The following HAND1 variants were observed in gnomAD, a reference collection of about 807,000 sequenced individuals.
HAND1 encodes the protein heart and neural crest derivatives expressed 1, also known as heart- and neural crest derivatives-expressed protein 1.
In HAND1, 10 loss-of-function variants were observed where a neutral mutation model predicts 14.5. The ratio of observed to expected loss-of-function variants is 0.69; its 90% confidence interval spans 0.42 to 1.17. HAND1 has a LOEUF of 1.17. Among genes scored for constraint, HAND1 ranks in the 50% most tolerant of loss-of-function variants. The pLI is 0.00. For missense variants in HAND1, 299 were observed against 298.4 expected (o/e 1.00, Z -0.01); for synonymous variants, 128 against 127.1 (o/e 1.01, Z -0.05).
In HAND1 at chr5:154,477,998, A is replaced by G. The variant is rs1757577453; in HGVS notation, c.11T>C (p.Val4Ala). The G allele has an allele frequency of 6.3e-7, 1 of 1,597,934 alleles. No individual in the cohort carries two copies. The highest frequency in any genetic ancestry group is 8.5e-7 in the Non-Finnish European group (1 of 1,179,864). The change falls in exon 1 of 2, where the codon GTG becomes GCG. Residue 4 changes from valine (V) to alanine (A), a missense_variant. Coordinates refer to ENST00000231121, the MANE Select transcript of HAND1 (RefSeq NM_004821.3). MNL[V>A]GSYAHHHHHH... ...GTGGTGATGGTGTGCGTAGCTGCCCACGAGGTTCATGTTGGAGCGGCTACT... is the reference window on the plus strand; with the variant it reads ...GTGGTGATGGTGTGCGTAGCTGCCCGCGAGGTTCATGTTGGAGCGGCTACT...
In HAND1 at chr5:154,475,617, C is replaced by T; in HGVS notation, c.*189G>A. 1.6e-6 allele frequency: 1 copy of T among 611,916 alleles called. No individual in the cohort carries two copies. The highest frequency in any genetic ancestry group is 2.9e-6 in the Non-Finnish European group (1 of 341,316). The allele number at this position is 611,916 out of a possible 1,614,324, so 37.9% of individuals were successfully genotyped here. ...TTTCTCTTAATGTATTAAAAAAAAT[C>T]AAAGGACATTGCACGTGCGATCCAA... is the stretch of plus-strand genomic sequence containing the variant. On this transcript the variant is annotated 3_prime_UTR_variant, in exon 2 of 2. Transcript: ENST00000231121.
At chr5:154,476,671 T>C (rs1346639694) in intron 1 of HAND1, among the ~76,000 whole-genome samples, 2 of 152,056 alleles carry the variant, frequency 1.3e-5, no homozygotes, top group Non-Finnish European at 2.9e-5. Flanking sequence ...CTGGCTCCAC[T>C]CCGCTACGGC....
chr5:154,477,294 T>C (rs1246538870), intron 1 of HAND1, among the ~76,000 whole-genome samples, 172 bp downstream of exon 1: 1 of 152,174 alleles, frequency 6.6e-6, no homozygotes, highest in Non-Finnish European at 1.5e-5. Context: ...CTATGACGAA[T>C]CTGCCTCCCT....
Position 154,475,402 on chromosome 5 carries a change from G to A in HAND1, c.*404C>T. On this transcript the variant is annotated 3_prime_UTR_variant, in exon 2 of 2. Coordinates refer to ENST00000231121, the MANE Select transcript of HAND1 (RefSeq NM_004821.3). ...TAATTAGAGAAGACGGCGTCGGGGC[G>A]GATCATATGGAGGGACAAGAGAGAA... 5.4e-6 allele frequency: 1 copy of A among 184,818 alleles called. No homozygotes were observed. Among genetic ancestry groups the A allele is most frequent in the Admixed American group, 5.5e-5 (1 of 18,184 alleles). The allele number at this position is 184,818 out of a possible 1,614,324, so 11.4% of individuals were successfully genotyped here. A position where few individuals can be genotyped will look rare whatever the true frequency, so the allele number is the denominator to read the frequency against.
rs1757532981 is a variant in HAND1 at position 154,475,866 on chromosome 5, C to T, written c.588G>A (p.Lys196=). The T allele has an allele frequency of 6.2e-7, 1 of 1,614,142 alleles. No individual in the cohort carries two copies. Among genetic ancestry groups the T allele is most frequent in the African/African-American group, 1.3e-5 (1 of 75,042 alleles). The change falls in exon 2 of 2, where the codon AAG becomes AAA. Residue 196 remains lysine (K), a synonymous_variant. Transcript: ENST00000231121. ...GFPPALGPVE[K]RIKGRTGWPQ... is the part of the protein sequence containing the mutation. ...GCCAGCCGGTGCGTCCTTTAATCCT[C>T]TTCTCGACTGGGCCCAGGGCAGGAG... is the stretch of plus-strand genomic sequence containing the variant.
intron 1 of HAND1, 37 bp from the exon 2 acceptor site, chr5:154,475,947 G>T (rs773244273): frequency 2.6e-6 from 4 of 1,547,060 alleles, no homozygotes; most frequent in Non-Finnish European, 3.6e-6. Flanking sequence ...AGGCGGGAGA[G>T]ACAGGTTTTA....
chr5:154,476,116 C>T (rs1326135148), intron 1 of HAND1, among the ~76,000 whole-genome samples: 1 of 152,082 alleles, frequency 6.6e-6, no homozygotes, highest in African/African-American at 2.4e-5. Flanking sequence ...TCCTGGGACC[C>T]GGGATGGGCT....
chr5:154,478,213 C>G lies in HAND1; in HGVS notation c.-205G>C, dbSNP rs1757581374. On this transcript the variant is annotated 5_prime_UTR_variant, in exon 1 of 2. Coordinates refer to ENST00000231121, the MANE Select transcript of HAND1 (RefSeq NM_004821.3). The surrounding 1 kb of genome is among the most constrained non-coding windows in gnomAD (Gnocchi z 4.5). Reference sequence around the variant, plus strand: ...GGCGAGGTCGCCGAAGCCCAAAGACCTGTTTAACCCTTCTGCGGACTCCCC... The same window carrying G: ...GGCGAGGTCGCCGAAGCCCAAAGACGTGTTTAACCCTTCTGCGGACTCCCC... 2 of 615,756 alleles carry G rather than the reference C, an allele frequency of 3.2e-6. No individual in the cohort carries two copies. The highest frequency in any genetic ancestry group is 5.5e-5 in the East Asian group (2 of 36,302). The allele number at this position is 615,756 out of a possible 1,614,324, so 38.1% of individuals were successfully genotyped here.
rs1320086824 is a variant in HAND1, at chr5:154,477,737, C to A, written c.272G>T (p.Arg91Leu). The A allele has an allele frequency of 1.2e-6, 2 of 1,612,764 alleles. No homozygotes were observed. The highest frequency in any genetic ancestry group is 1.7e-5 in the Admixed American group (1 of 59,972). ...TCCTGAGCCTTTCCGCCGGCCAAGACGGCCGCCAAGCGCCTCCAGCCGCCC... is the reference window on the plus strand; with the variant it reads ...TCCTGAGCCTTTCCGCCGGCCAAGAAGGCCGCCAAGCGCCTCCAGCCGCCC... ...SPGRLEALGG[R>L]LGRRKGSGPK... The change falls in exon 1 of 2, where the codon CGT becomes CTT. Residue 91 changes from arginine to leucine, a missense_variant. Transcript: ENST00000231121.
In HAND1 at chr5:154,477,449, C is replaced by A; in HGVS notation, c.543+17G>T. On this transcript the variant is annotated intron_variant, in intron 1 of 1. Transcript: ENST00000231121. ...CTCCTGCACCCTTGGCTGGAGCATGCAAGCCCCAGGACTCACCAGCTCCCT... is the reference window on the plus strand; with the variant it reads ...CTCCTGCACCCTTGGCTGGAGCATGAAAGCCCCAGGACTCACCAGCTCCCT... 1 of 1,603,284 alleles carries A rather than the reference C, an allele frequency of 6.2e-7. No individual in the cohort carries two copies. The highest frequency in any genetic ancestry group is 8.5e-7 in the Non-Finnish European group (1 of 1,170,414).
intron 1 of HAND1, among the ~76,000 whole-genome samples, chr5:154,476,437 C>T (rs1443838282): frequency 2.6e-5 from 4 of 152,116 alleles, no homozygotes; most frequent in African/African-American, 7.2e-5. Context: ...AGGAACCAAG[C>T]GGTGCTACTT....
At chr5:154,477,254 A>G (rs1582056646) in intron 1 of HAND1, among the ~76,000 whole-genome samples, 1 of 152,214 alleles carries the variant, frequency 6.6e-6, no homozygotes, top group Non-Finnish European at 1.5e-5. Flanking sequence ...ACTCAGTATT[A>G]CAAACACTCT....
chr5:154,477,599 C>A lies in HAND1; in HGVS notation c.410G>T (p.Arg137Leu), dbSNP rs374536409. The change falls in exon 1 of 2, where the codon CGC (arginine) becomes CTC (leucine). Residue 137 changes from arginine (R) to leucine (L), a missense_variant. By Grantham distance (102) the Arg-to-Leu change is moderately radical (BLOSUM62 -2). Transcript: ENST00000231121. ...DTKLSKIKTL[R>L]LATSYIAYLM... is the part of the protein sequence containing the mutation. ...GTAGGCGATGTAGCTGGTGGCTAGG[C>A]GCAGAGTCTTGATCTTGGAGAGCTT... 1.2e-5 allele frequency: 19 copies of A among 1,614,114 alleles called. No individual in the cohort carries two copies. The highest frequency in any genetic ancestry group is 1.5e-5 in the Non-Finnish European group (18 of 1,180,050).
At position 154,475,765 on chromosome 5, in the gene HAND1, G is replaced by A. The variant is rs2113300721; in HGVS notation, c.*41C>T. The A allele has an allele frequency of 2.1e-6, 3 of 1,397,346 alleles. No individual in the cohort carries two copies. Among genetic ancestry groups the A allele is most frequent in the Non-Finnish European group, 3.0e-6 (3 of 985,528 alleles). The allele number at this position is 1,397,346 out of a possible 1,614,324, so 86.6% of individuals were successfully genotyped here. A position where few individuals can be genotyped will look rare whatever the true frequency, so the allele number is the denominator to read the frequency against. On this transcript the variant is annotated 3_prime_UTR_variant, in exon 2 of 2. Coordinates refer to ENST00000231121, the MANE Select transcript of HAND1 (RefSeq NM_004821.3). ...GCCTTCCTCTCCTCCCGGGGCTTCAGGAGTGGCTGGCCTGGCCAGGTCCTC... is the reference window on the plus strand; with the variant it reads ...GCCTTCCTCTCCTCCCGGGGCTTCAAGAGTGGCTGGCCTGGCCAGGTCCTC...
chr5:154,475,730 G>C lies in HAND1; in HGVS notation c.*76C>G. On this transcript the variant is annotated 3_prime_UTR_variant, in exon 2 of 2. Transcript: ENST00000231121. ...CAGTCGCCGGAGCCCAGAGCCTGGC[G>C]TTCGCCGCTGCCTTCCTCTCCTCCC... 7.4e-6 allele frequency: 8 copies of C among 1,087,972 alleles called. No individual in the cohort carries two copies. The highest frequency in any genetic ancestry group is 1.7e-5 in the Admixed American group (1 of 57,434). The allele number at this position is 1,087,972 out of a possible 1,614,324, so 67.4% of individuals were successfully genotyped here. A position where few individuals can be genotyped will look rare whatever the true frequency, so the allele number is the denominator to read the frequency against.
rs1374557382 is a variant in HAND1 at position 154,477,459 on chromosome 5, G to A, written c.543+7C>T. 1 of 1,611,642 alleles carries A rather than the reference G, an allele frequency of 6.2e-7. No individual in the cohort carries two copies. The highest frequency in any genetic ancestry group is 8.5e-7 in the Non-Finnish European group (1 of 1,177,922). ...CTTGGCTGGAGCATGCAAGCCCCAG[G>A]ACTCACCAGCTCCCTTTTCCGCTTG... On this transcript the variant is annotated splice_region_variant and intron_variant, in intron 1 of 1. Transcript: ENST00000231121.
chr5:154,475,211 CAGAG>C lies in HAND1; in HGVS notation c.*591_*594del, dbSNP rs377024721. 6.5e-6 allele frequency: 1 copy of C among 152,900 alleles called. No homozygotes were observed. The allele number at this position is 152,900 out of a possible 1,614,324, so 9.5% of individuals were successfully genotyped here. On this transcript the variant is annotated 3_prime_UTR_variant, in exon 2 of 2. Transcript: ENST00000231121. ...GAAAAGAAGGAAGAAAAGAGAGAGA[CAGAG>C]AAAGAGAGAAAGTGTTTCCCTTGGA...
Position 154,478,149 on chromosome 5 carries a change from G to A in HAND1, c.-141C>T. On this transcript the variant is annotated 5_prime_UTR_variant, in exon 1 of 2. Transcript: ENST00000231121. This position sits in a 1 kb window ranked among gnomAD's most constrained non-coding sequence, Gnocchi z 4.5. ...AGAGTCCGGGCAAGGCTGAAAATGA[G>A]ACGCGCAGCCCACTGTCTTCTTACC... is the stretch of plus-strand genomic sequence containing the variant. The A allele has an allele frequency of 2.3e-6, 2 of 867,808 alleles. No individual in the cohort carries two copies. Among genetic ancestry groups the A allele is most frequent in the East Asian group, 2.6e-5 (1 of 38,144 alleles). The allele number at this position is 867,808 out of a possible 1,614,324, so 53.8% of individuals were successfully genotyped here.
rs749996768 is a variant in HAND1, at chr5:154,478,023, T to G, written c.-15A>C. Reference sequence around the variant, plus strand: ...ACGAGGTTCATGTTGGAGCGGCTACTGGCCTGCGCCGCCAGCCCTATTAAC... The same window carrying G: ...ACGAGGTTCATGTTGGAGCGGCTACGGGCCTGCGCCGCCAGCCCTATTAAC... On this transcript the variant is annotated 5_prime_UTR_variant, in exon 1 of 2. Transcript: ENST00000231121. The surrounding 1 kb of genome is among the most constrained non-coding windows in gnomAD (Gnocchi z 4.5). 6.3e-7 allele frequency: 1 copy of G among 1,596,834 alleles called. No individual in the cohort carries two copies. Among genetic ancestry groups the G allele is most frequent in the Non-Finnish European group, 8.5e-7 (1 of 1,179,794 alleles).
Sources: gnomAD v4.1 joint callset for allele counts (sites outside exome capture counted in the v4.1 genomes callset) on GRCh38, gnomAD v4.1.1 for gene constraint, Gnocchi (gnomAD v3.1) non-coding constraint, MANE v1.5 for transcripts, NCBI Gene and HGNC (gene_info 2026-07-23, HGNC 2026-07-21) for gene names.